SFXN5: variants seen among roughly 807,000 people sequenced by gnomAD.
SFXN5 encodes the protein sideroflexin-5.
In SFXN5, 43 loss-of-function variants were observed where a neutral mutation model predicts 50.2. The observed-to-expected ratio is 0.86, with a 90% CI of 0.67 to 1.11. SFXN5 has a LOEUF of 1.11. Ranked by LOEUF, SFXN5 falls within the 50% of genes least tolerant of loss-of-function variation. The probability of loss-of-function intolerance (pLI) is 0.00; values close to 1 mark genes in which losing one functional copy is unlikely to be tolerated. For synonymous variants in SFXN5, 203 were observed against 185.8 expected (o/e 1.09, Z -0.75); for missense variants, 463 against 454.1 (o/e 1.02, Z -0.18).
chr2:72,992,863 G>T lies in SFXN5; in HGVS notation c.535-4515C>A, dbSNP rs1280852170. Among the ~76,000 whole-genome samples the T allele has an allele frequency of 6.6e-6, 1 of 152,216 alleles. No homozygotes were observed. Among genetic ancestry groups the T allele is most frequent in the African/African-American group, 2.4e-5 (1 of 41,454 alleles). On this transcript the variant is annotated intron_variant, in intron 9 of 13. Coordinates refer to ENST00000272433, the MANE Select transcript of SFXN5 (RefSeq NM_144579.3). The surrounding 1 kb of genome is among the most constrained non-coding windows in gnomAD (Gnocchi z 4.5). ...GACACTGGAGGAGCCACACGGCCCT[G>T]CGGGACTGCCTGGCTTGCTTGCAAG...
At chr2:73,052,045 C>A (rs1182299757) in intron 2 of SFXN5, among the ~76,000 whole-genome samples, 1 of 152,024 alleles carries the variant, frequency 6.6e-6, no homozygotes, top group Non-Finnish European at 1.5e-5. Context: ...GTGTTACAAT[C>A]CATTGCTGTT....
At chr2:72,967,183 G>A (rs760972597) in intron 12 of SFXN5, 1 of 152,210 alleles carries the variant, frequency 6.6e-6, no homozygotes, top group Non-Finnish European at 1.5e-5. Context: ...TGTCCTGAAG[G>A]TGAAATGAGA....
chr2:73,064,087 A>G (rs1193475593), intron 1 of SFXN5, among the ~76,000 whole-genome samples: 5 of 151,972 alleles, frequency 3.3e-5, no homozygotes, highest in Non-Finnish European at 7.4e-5. Flanking sequence ...CTGCCTTCCC[A>G]CCTCCACCAG....
intron 12 of SFXN5, 46 bp downstream of exon 12, chr2:72,968,402 C>A (rs1008268693): frequency 6.4e-7 from 1 of 1,573,164 alleles, no homozygotes; most frequent in South Asian, 1.1e-5. Flanking sequence ...TCCCTCTCCC[C>A]CTCCTCCCCC....
chr2:73,008,929 G>T (rs977978718), intron 6 of SFXN5, among the ~76,000 whole-genome samples: 1 of 152,072 alleles, frequency 6.6e-6, no homozygotes, highest in East Asian at 1.9e-4. Flanking sequence ...CTGAGCTCTG[G>T]GGGGCGAGCA....
At chr2:73,061,656 A>T (rs1682817381) in intron 1 of SFXN5, among the ~76,000 whole-genome samples, 1 of 152,224 alleles carries the variant, frequency 6.6e-6, no homozygotes, top group Non-Finnish European at 1.5e-5. Flanking sequence ...TTATATTTTC[A>T]AAAAAGCTAG....
intron 5 of SFXN5, 118 bp downstream of exon 5, chr2:73,022,404 G>C: frequency 1.3e-6 from 1 of 775,872 alleles, no homozygotes; most frequent in South Asian, 1.5e-5. Flanking sequence ...TGCAAATATG[G>C]CCATGATTGT....
At chr2:72,947,243 G>A (rs1672054589) in intron 13 of SFXN5, among the ~76,000 whole-genome samples, 1 of 152,228 alleles carries the variant, frequency 6.6e-6, no homozygotes, top group African/African-American at 2.4e-5. Context: ...GTCCACAGTA[G>A]GTGCTCCCTC....
chr2:73,012,325 T>TTAAAATATTCTTTA (rs1179915541), intron 6 of SFXN5, among the ~76,000 whole-genome samples: 1 of 152,152 alleles, frequency 6.6e-6, no homozygotes, highest in Non-Finnish European at 1.5e-5. Flanking sequence ...TGTATAACTT[T>TTAAAATATTCTTTA]TAAAATATTC....
chr2:72,970,304 C>T (rs1425509247), intron 11 of SFXN5, among the ~76,000 whole-genome samples: 1 of 152,166 alleles, frequency 6.6e-6, no homozygotes, highest in African/African-American at 2.4e-5. Flanking sequence ...AGAGGCCCCT[C>T]CAGTCTCTGG....
At chr2:72,964,969 C>T (rs1285097299) in intron 12 of SFXN5, among the ~76,000 whole-genome samples, 3 of 152,236 alleles carry the variant, frequency 2.0e-5, no homozygotes, top group African/African-American at 4.8e-5. Flanking sequence ...GGGCTCCACC[C>T]CCAGGCCTGT....
chr2:72,995,340 T>G (rs1574064140), intron 9 of SFXN5, among the ~76,000 whole-genome samples: 1 of 152,350 alleles, frequency 6.6e-6, no homozygotes, highest in South Asian at 2.1e-4. Context: ...TTTTTTATTC[T>G]CAAGCAAGCA....
At chr2:73,061,098 C>T (rs1345801063) in intron 1 of SFXN5, among the ~76,000 whole-genome samples, 2 of 151,650 alleles carry the variant, frequency 1.3e-5, no homozygotes, top group Admixed American at 1.3e-4. Flanking sequence ...GGCAGATCAC[C>T]TGAGGTCAGG....
chr2:73,034,593 G>A lies in SFXN5; in HGVS notation c.249+6261C>T, dbSNP rs577059430. ...CCCTGGGTGCAGGGTAGGCACTTAGGAAAGGTTGGCTGGTTCCCAACCTCT... is the reference window on the plus strand; with the variant it reads ...CCCTGGGTGCAGGGTAGGCACTTAGAAAAGGTTGGCTGGTTCCCAACCTCT... On this transcript the variant is annotated intron_variant, in intron 3 of 13. Transcript: ENST00000272433. 9.2e-5 allele frequency among the ~76,000 whole-genome samples: 14 copies of A among 152,260 alleles called. No individual in the cohort carries two copies. In the South Asian group the frequency reaches 2.3e-3, roughly 25 times the overall value.
At chr2:73,018,731 GA>G (rs1026609248) in intron 6 of SFXN5, among the ~76,000 whole-genome samples, 8 of 152,152 alleles carry the variant, frequency 5.3e-5, no homozygotes, top group African/African-American at 1.9e-4. Context: ...TTCACATACA[GA>G]TCTTTGTGTA....
intron 13 of SFXN5, among the ~76,000 whole-genome samples, chr2:72,955,419 G>A (rs1035077613): frequency 2.0e-5 from 3 of 152,290 alleles, no homozygotes; most frequent in South Asian, 4.1e-4. Flanking sequence ...GTGCAGCCCC[G>A]TTCCCCAGCC....
intron 9 of SFXN5, chr2:72,997,470 A>G (rs755446036): frequency 7.9e-5 from 12 of 152,306 alleles, no homozygotes; most frequent in Non-Finnish European, 1.6e-4. Flanking sequence ...GCTGCCCAAC[A>G]TGGCCATAAG....
intron 2 of SFXN5, among the ~76,000 whole-genome samples, chr2:73,055,240 G>A (rs1179164873): frequency 6.6e-6 from 1 of 152,252 alleles, no homozygotes; most frequent in East Asian, 1.9e-4. Flanking sequence ...GTAATCTCGG[G>A]CAAGTTCCCT....
intron 12 of SFXN5, among the ~76,000 whole-genome samples, chr2:72,967,883 G>C (rs1674630199): frequency 6.6e-6 from 1 of 152,114 alleles, no homozygotes; most frequent in Non-Finnish European, 1.5e-5. Flanking sequence ...CTGTTACTAT[G>C]CTCCCTCATT....
Sources: gnomAD v4.1 joint callset for allele counts (sites outside exome capture counted in the v4.1 genomes callset) on GRCh38, gnomAD v4.1.1 for gene constraint, Gnocchi (gnomAD v3.1) non-coding constraint, MANE v1.5 for transcripts, NCBI Gene and HGNC (gene_info 2026-07-23, HGNC 2026-07-21) for gene names.